GLRA1: variants seen among roughly 807,000 people sequenced by gnomAD.
The protein encoded by GLRA1 is glycine receptor subunit alpha-1.
Under a neutral mutation model 48.3 loss-of-function variants are expected in GLRA1, and 37 were observed. The observed-to-expected ratio is 0.77, with a 90% CI of 0.59 to 1.01. GLRA1 has a LOEUF of 1.01. Among genes scored for constraint, GLRA1 ranks in the 50% least tolerant of loss-of-function variants. The pLI, the probability that GLRA1 is intolerant of heterozygous loss-of-function variation, is 0.00. For missense variants in GLRA1, 427 were observed against 571.0 expected, an observed-to-expected ratio of 0.75 and a Z score of 2.57; for synonymous variants, 196 against 210.7, an observed-to-expected ratio of 0.93 and a Z score of 0.60.
chr5:151,898,670 C>G (rs779058040), intron 1 of GLRA1, among the ~76,000 whole-genome samples: 8 of 152,048 alleles, frequency 5.3e-5, no homozygotes, highest in Non-Finnish European at 1.2e-4. Flanking sequence ...TGAGAGTAAC[C>G]AAAGGAAGGA....
intron 3 of GLRA1, among the ~76,000 whole-genome samples, chr5:151,883,839 G>A (rs553198891): frequency 2.7e-4 from 41 of 152,302 alleles, no homozygotes; most frequent in Admixed American, 2.2e-3. Flanking sequence ...TCTGGGCTTT[G>A]AAGACTGTGT....
intron 3 of GLRA1, among the ~76,000 whole-genome samples, chr5:151,875,085 A>G (rs1385562983): frequency 6.6e-6 from 1 of 152,150 alleles, no homozygotes; most frequent in African/African-American, 2.4e-5. Flanking sequence ...GCTTCATTTG[A>G]TCAACTGATC....
chr5:151,878,810 T>C (rs1753689120), intron 3 of GLRA1, among the ~76,000 whole-genome samples: 1 of 152,150 alleles, frequency 6.6e-6, no homozygotes, highest in African/African-American at 2.4e-5. Context: ...TTTCAGAAGG[T>C]GTATGGAAAC....
rs534015440 is a variant in GLRA1, at chr5:151,916,353, G to A, written c.56+8141C>T. Among the ~76,000 whole-genome samples, 47 of 152,314 alleles carry A rather than the reference G, an allele frequency of 3.1e-4. 2 individuals are homozygous for A. In the South Asian group the frequency reaches 9.6e-3, roughly 31 times the overall value. ...ATAAGACAGTACTGCAAATCTGCCTGGCAGCCAGGGTTGCAGCAGCCTTGC... is the reference window on the plus strand; with the variant it reads ...ATAAGACAGTACTGCAAATCTGCCTAGCAGCCAGGGTTGCAGCAGCCTTGC... On this transcript the variant is annotated intron_variant, in intron 1 of 8. Transcript: ENST00000274576.
intron 7 of GLRA1, chr5:151,850,900 A>G: frequency 1.8e-6 from 1 of 555,966 alleles, no homozygotes; most frequent in Non-Finnish European, 3.3e-6. Flanking sequence ...TGGAATATAA[A>G]GGTCTTTTTT....
intron 1 of GLRA1, among the ~76,000 whole-genome samples, chr5:151,907,272 A>G (rs1043938225): frequency 2.0e-5 from 3 of 152,208 alleles, no homozygotes; most frequent in Non-Finnish European, 2.9e-5. Context: ...AAAATTATCT[A>G]TAATCTTTCT....
Position 151,918,437 on chromosome 5 carries a change from C to T in GLRA1, c.56+6057G>A, listed in dbSNP as rs78369615. 9.0e-3 allele frequency among the ~76,000 whole-genome samples: 1,375 copies of T among 152,314 alleles called. 20 individuals are homozygous for T. The highest frequency in any genetic ancestry group is 0.031 in the African/African-American group (1,289 of 41,550). On this transcript the variant is annotated intron_variant, in intron 1 of 8. Coordinates refer to ENST00000274576, the MANE Select transcript of GLRA1 (RefSeq NM_000171.4). ...TTCTGGCTCATTCTGAGGCCCTTCTCATTTCTTAAAACGAGGCTTTTGCAT... is the reference window on the plus strand; with the variant it reads ...TTCTGGCTCATTCTGAGGCCCTTCTTATTTCTTAAAACGAGGCTTTTGCAT...
At chr5:151,838,750 G>T (rs769074417) in intron 7 of GLRA1, among the ~76,000 whole-genome samples, 34 of 152,166 alleles carry the variant, frequency 2.2e-4, no homozygotes, top group Non-Finnish European at 3.8e-4. Flanking sequence ...AAAAAATAGT[G>T]CCTGAAAACT....
intron 3 of GLRA1, among the ~76,000 whole-genome samples, chr5:151,866,832 G>A (rs1161739024): frequency 2.0e-5 from 3 of 152,224 alleles, no homozygotes; most frequent in Admixed American, 6.5e-5. Flanking sequence ...GGCTGCATGC[G>A]GTGGCTCACG....
intron 7 of GLRA1, among the ~76,000 whole-genome samples, chr5:151,834,426 A>G (rs1763513649): frequency 6.6e-6 from 1 of 152,348 alleles, no homozygotes; most frequent in African/African-American, 2.4e-5. Context: ...TTTGAAACCA[A>G]TGATAACAAA....
chr5:151,854,962 C>T, intron 6 of GLRA1, 78 bp downstream of exon 6: 1 of 1,426,040 alleles, frequency 7.0e-7, no homozygotes, highest in South Asian at 1.1e-5. Flanking sequence ...TCTGTTGGAT[C>T]AATGATTGAA....
chr5:151,869,581 G>GT (rs1362680242), intron 3 of GLRA1, among the ~76,000 whole-genome samples: 2 of 149,812 alleles, frequency 1.3e-5, no homozygotes, highest in Non-Finnish European at 2.9e-5. Flanking sequence ...TGTACTTGGT[G>GT]GCAAGCACTG....
intron 7 of GLRA1, among the ~76,000 whole-genome samples, chr5:151,831,018 TG>T (rs1327737270): frequency 1.3e-5 from 2 of 152,040 alleles, no homozygotes; most frequent in Non-Finnish European, 2.9e-5. Flanking sequence ...CAGAGTGGGG[TG>T]TCACCTCACC....
intron 7 of GLRA1, chr5:151,848,960 G>A (rs1752758812): frequency 1.8e-5 from 13 of 717,310 alleles, no homozygotes; most frequent in South Asian, 1.7e-4. Flanking sequence ...GGGTGAGAAA[G>A]TCCAGGCCAT....
intron 7 of GLRA1, chr5:151,849,206 T>TTTTCTTTTCTTTCC (rs1554083336): frequency 1.2e-5 from 1 of 84,544 alleles, no homozygotes; most frequent in Non-Finnish European, 2.3e-5. Flanking sequence ...CTTTTCTTTC[T>TTTTCTTTTCTTTCC]TTCCTTCCTT....
chr5:151,909,265 CA>C (rs1411460709), intron 1 of GLRA1, among the ~76,000 whole-genome samples: 2 of 152,144 alleles, frequency 1.3e-5, no homozygotes, highest in African/African-American at 4.8e-5. Context: ...CAGCAAATTA[CA>C]CAAAGGGTGA....
chr5:151,889,209 AG>A (rs1264993296), intron 2 of GLRA1, among the ~76,000 whole-genome samples: 1 of 152,282 alleles, frequency 6.6e-6, no homozygotes, highest in Non-Finnish European at 1.5e-5. Context: ...ATTATCTTTG[AG>A]AAAATTACAA....
intron 8 of GLRA1, among the ~76,000 whole-genome samples, chr5:151,827,898 G>C (rs369000695): frequency 1.3e-3 from 199 of 152,150 alleles, no homozygotes; most frequent in Middle Eastern, 0.01. Context: ...AATTATTTTT[G>C]CACCAACCTA....
intron 3 of GLRA1, among the ~76,000 whole-genome samples, chr5:151,873,742 C>A (rs1753552044): frequency 6.6e-6 from 1 of 151,558 alleles, no homozygotes; most frequent in African/African-American, 2.4e-5. Flanking sequence ...CTTTGAAATT[C>A]ACTAACCCAG....
Sources: allele counts gnomAD v4.1 joint callset (sites outside exome capture counted in the v4.1 genomes callset), GRCh38; gene constraint gnomAD v4.1.1; transcripts MANE v1.5; gene names NCBI Gene and HGNC (gene_info 2026-07-23, HGNC 2026-07-21).